Variants in ADAMTS9 observed in about 807,000 individuals in gnomAD.
ADAMTS9 encodes the protein ADAM metallopeptidase with thrombospondin type 1 motif 9.
Under a neutral mutation model 257.1 loss-of-function variants are expected in ADAMTS9, and 107 were observed. The observed-to-expected ratio is 0.42, with a 90% CI of 0.36 to 0.49. The LOEUF (loss-of-function observed/expected upper bound fraction) is 0.49, where lower values mean the gene tolerates loss of function less well. ADAMTS9 is among the 20% of genes least tolerant of loss of function. ADAMTS9 has a pLI of 0.03. For synonymous variants in ADAMTS9, 982 were observed against 880.9 expected (o/e 1.11, Z -2.03); for missense variants, 2,353 against 2,469.1 (o/e 0.95, Z 1.00).
intron 37 of ADAMTS9, among the ~76,000 whole-genome samples, chr3:64,538,196 T>A (rs756834858): frequency 5.9e-5 from 9 of 152,158 alleles, no homozygotes; most frequent in Non-Finnish European, 1.0e-4. Flanking sequence ...TAACCTGTCA[T>A]CCTCTCTAAT....
intron 28 of ADAMTS9, among the ~76,000 whole-genome samples, chr3:64,580,836 G>C (rs2083979955): frequency 6.6e-6 from 1 of 152,120 alleles, no homozygotes; most frequent in South Asian, 2.1e-4. Flanking sequence ...AGCAAAAGAG[G>C]GCTGAACTGG....
At chr3:64,549,795 C>G (rs2083246681) in intron 31 of ADAMTS9, among the ~76,000 whole-genome samples, 1 of 152,156 alleles carries the variant, frequency 6.6e-6, no homozygotes, top group African/African-American at 2.4e-5. Context: ...CTAGACACTG[C>G]CAAATGTCCC....
intron 16 of ADAMTS9, among the ~76,000 whole-genome samples, chr3:64,623,355 G>A (rs1700152615): frequency 6.6e-6 from 1 of 152,194 alleles, no homozygotes; most frequent in South Asian, 2.1e-4. Flanking sequence ...AGAACCCACA[G>A]AGAGGCCTGC....
At chr3:64,551,302 C>T (rs773279281) in intron 30 of ADAMTS9, among the ~76,000 whole-genome samples, 4 of 152,096 alleles carry the variant, frequency 2.6e-5, no homozygotes, top group Admixed American at 6.5e-5. Flanking sequence ...CTCTGCCTTC[C>T]GGGTTCACGC....
chr3:64,659,473 C>CA (rs60660621), intron 3 of ADAMTS9, among the ~76,000 whole-genome samples: 1,225 of 90,656 alleles, frequency 0.014, 17 homozygotes, highest in African/African-American at 0.041. Context: ...CTGTCTCAAA[C>CA]AAAAAAAAAA....
chr3:64,643,786 CT>C (rs113623624), intron 11 of ADAMTS9, among the ~76,000 whole-genome samples: 137 of 146,666 alleles, frequency 9.3e-4, no homozygotes, highest in African/African-American at 1.8e-3. Flanking sequence ...TTTTTTAATG[CT>C]TTTTTTTTTT....
chr3:64,651,257 A>G, intron 8 of ADAMTS9, 94 bp from the exon 9 acceptor site: 1 of 1,127,306 alleles, frequency 8.9e-7, no homozygotes, highest in South Asian at 1.9e-5. Context: ...TAAGAGAAAA[A>G]AATTTAACTT....
chr3:64,602,760 C>T (rs1351025309), intron 25 of ADAMTS9, among the ~76,000 whole-genome samples: 1 of 152,214 alleles, frequency 6.6e-6, no homozygotes, highest in Admixed American at 6.5e-5. Context: ...AAAAGCACAT[C>T]CCATCTTTCT....
At chr3:64,575,738 T>C (rs1220533988) in intron 28 of ADAMTS9, among the ~76,000 whole-genome samples, 1 of 152,198 alleles carries the variant, frequency 6.6e-6, no homozygotes, top group Non-Finnish European at 1.5e-5. Context: ...CTCTGTAAGA[T>C]GGGAGAATAG....
intron 2 of ADAMTS9, among the ~76,000 whole-genome samples, chr3:64,682,761 AG>A (rs1701790546): frequency 6.6e-6 from 1 of 152,208 alleles, no homozygotes; most frequent in Admixed American, 6.5e-5. Context: ...CAAAATCTCT[AG>A]GGGTAGGGCC....
At chr3:64,654,700 A>AACAGT (rs1467274953) in intron 6 of ADAMTS9, 88 bp from the exon 7 acceptor site, 13 of 1,425,574 alleles carry the variant, frequency 9.1e-6, no homozygotes, top group African/African-American at 1.4e-5. Flanking sequence ...AGGCATTCAC[A>AACAGT]ACAGTACACA....
intron 32 of ADAMTS9, among the ~76,000 whole-genome samples, chr3:64,543,552 C>T (rs1426554225): frequency 1.3e-5 from 2 of 152,098 alleles, no homozygotes; most frequent in Admixed American, 6.6e-5. Flanking sequence ...AAAAGGCCTT[C>T]AACAAAATTC....
At chr3:64,634,865 G>C (rs1219770885) in intron 12 of ADAMTS9, among the ~76,000 whole-genome samples, 6 of 152,162 alleles carry the variant, frequency 3.9e-5, no homozygotes, top group Non-Finnish European at 7.4e-5. Context: ...TTTCAAACAG[G>C]AGTTTTGGGG....
At chr3:64,569,374 G>T (rs1157452970) in intron 28 of ADAMTS9, among the ~76,000 whole-genome samples, 2 of 152,118 alleles carry the variant, frequency 1.3e-5, no homozygotes, top group African/African-American at 4.8e-5. Context: ...TAAGCTGCTG[G>T]CTCGGGTTTT....
intron 3 of ADAMTS9, among the ~76,000 whole-genome samples, chr3:64,665,696 C>T (rs1701337730): frequency 6.6e-6 from 1 of 152,154 alleles, no homozygotes. Context: ...ACAGAGTGTG[C>T]CTGATTGCAT....
At chr3:64,559,133 A>G (rs2083381124) in intron 30 of ADAMTS9, among the ~76,000 whole-genome samples, 1 of 152,152 alleles carries the variant, frequency 6.6e-6, no homozygotes, top group Non-Finnish European at 1.5e-5. Context: ...CATGAGGACT[A>G]CCCCAGGCAA....
At chr3:64,525,233 T>C (rs1188505931) in intron 38 of ADAMTS9, among the ~76,000 whole-genome samples, 1 of 152,220 alleles carries the variant, frequency 6.6e-6, no homozygotes, top group African/African-American at 2.4e-5. Flanking sequence ...TGAATTCTTC[T>C]TTTGGAAGTG....
intron 11 of ADAMTS9, among the ~76,000 whole-genome samples, chr3:64,642,915 G>A (rs1410687718): frequency 1.3e-5 from 2 of 152,118 alleles, no homozygotes; most frequent in Non-Finnish European, 2.9e-5. Flanking sequence ...CAGGGAAGGT[G>A]GAAAAAGAAG....
chr3:64,542,121 G>A lies in ADAMTS9; in HGVS notation c.5065-151C>T, dbSNP rs1329762942. The A allele has an allele frequency of 3.0e-6, 3 of 988,778 alleles. No homozygotes were observed. In the African/African-American group the frequency reaches 4.9e-5, roughly 16 times the overall value. 61.3% of individuals were successfully genotyped at this position (988,778 alleles called of 1,614,324 possible). ...AATACAAAAAGCTGACATTTACTGA[G>A]CACTTACTATGGGCCAGTCCCTGTG... On this transcript the variant is annotated intron_variant, in intron 32 of 39. Transcript: ENST00000498707.
Sources: allele counts gnomAD v4.1 joint callset (sites outside exome capture counted in the v4.1 genomes callset), GRCh38; gene constraint gnomAD v4.1.1; transcripts MANE v1.5; gene names NCBI Gene and HGNC (gene_info 2026-07-23, HGNC 2026-07-21).